Variants in ANKRD30BL observed in about 807,000 individuals in gnomAD.
The protein encoded by ANKRD30BL is putative ankyrin repeat domain-containing protein 30B-like.
A neutral mutation model predicts 18.4 loss-of-function variants in ANKRD30BL; 20 were observed. The observed-to-expected ratio is 1.09, with a 90% CI of 0.77 to 1.58. The LOEUF (loss-of-function observed/expected upper bound fraction) is 1.58, where lower values mean the gene tolerates loss of function less well. Ranked by LOEUF, ANKRD30BL falls within the 40% of genes most tolerant of loss-of-function variation. The pLI, the probability that ANKRD30BL is intolerant of heterozygous loss-of-function variation, is 0.00. For synonymous variants in ANKRD30BL, 72 were observed against 100.9 expected, an observed-to-expected ratio of 0.71 and a Z score of 1.72; for missense variants, 224 against 268.6, an observed-to-expected ratio of 0.83 and a Z score of 1.16.
intron 3 of ANKRD30BL, chr2:132,156,265 ATTAT>A (rs1251068780): frequency 2.0e-5 from 3 of 152,218 alleles, no homozygotes; most frequent in Non-Finnish European, 4.4e-5. Context: ...ATAGAAGATG[ATTAT>A]TTATGGTTTA....
upstream of ANKRD30BL, among the ~76,000 whole-genome samples, chr2:132,165,750 A>G (rs1478783823): frequency 2.7e-5 from 4 of 150,096 alleles, no homozygotes; most frequent in East Asian, 5.9e-4. Context: ...CACAATTGCT[A>G]TATTATATGT....
chr2:132,171,412 T>A (rs189578060), intron 1 of ANKRD30BL, among the ~76,000 whole-genome samples: 44 of 152,314 alleles, frequency 2.9e-4, no homozygotes, highest in African/African-American at 9.9e-4. Flanking sequence ...CTAGATGCTA[T>A]GCGATTATGT....
intron 3 of ANKRD30BL, chr2:132,155,740 A>T (rs1038695973): frequency 6.6e-6 from 1 of 152,086 alleles, no homozygotes; most frequent in Admixed American, 6.5e-5. Flanking sequence ...TCTGCTAAAA[A>T]TACAAAAAAT....
At chr2:132,246,400 T>C (rs139585497) in intron 1 of ANKRD30BL, among the ~76,000 whole-genome samples, 4 of 151,270 alleles carry the variant, frequency 2.6e-5, no homozygotes, top group African/African-American at 4.8e-5. Flanking sequence ...TTTTGAGGCA[T>C]GCTTTTTGTA....
At chr2:132,173,304 T>C (rs1688312880) in intron 1 of ANKRD30BL, among the ~76,000 whole-genome samples, 1 of 149,106 alleles carries the variant, frequency 6.7e-6, no homozygotes, top group East Asian at 2.0e-4. Flanking sequence ...TTTGCTTCTT[T>C]TTTTTTTTTT....
chr2:132,215,695 C>T (rs113147525), intron 1 of ANKRD30BL, among the ~76,000 whole-genome samples: 1 of 151,864 alleles, frequency 6.6e-6, no homozygotes, highest in African/African-American at 2.4e-5. Flanking sequence ...AAGGAAATAT[C>T]TTCACATAAA....
chr2:132,168,244 ATTT>A (rs1688221423), intron 1 of ANKRD30BL, among the ~76,000 whole-genome samples: 1 of 152,198 alleles, frequency 6.6e-6, no homozygotes, highest in Non-Finnish European at 1.5e-5. Context: ...CTTATTTGCC[ATTT>A]TTATATTTCT....
intron 4 of ANKRD30BL, among the ~76,000 whole-genome samples, chr2:132,151,239 TC>T (rs36080015): frequency 1.2e-4 from 19 of 152,304 alleles, no homozygotes; most frequent in Non-Finnish European, 2.6e-4. Flanking sequence ...GTGGAAAATG[TC>T]CTTAACTCGG....
chr2:132,210,866 T>C (rs796478544), intron 1 of ANKRD30BL, among the ~76,000 whole-genome samples: 1 of 151,336 alleles, frequency 6.6e-6, no homozygotes, highest in East Asian at 1.9e-4. Flanking sequence ...GGGCCTATGG[T>C]GGAAAGGGAA....
In ANKRD30BL at chr2:132,218,454, A is replaced by G. The variant is rs560704010; in HGVS notation, n.441+39075T>C. ...CTTTGAGGCCTATGGTGGAAAAGGTAATATCTTTATATAAAAACCAGACAG... is the reference window on the plus strand; with the variant it reads ...CTTTGAGGCCTATGGTGGAAAAGGTGATATCTTTATATAAAAACCAGACAG... On this transcript the variant is annotated intron_variant and non_coding_transcript_variant, in intron 1 of 4. Coordinates refer to the ANKRD30BL transcript ENST00000470729. 1.5e-4 allele frequency among the ~76,000 whole-genome samples: 23 copies of G among 150,172 alleles called. 1 individual carries two copies. The highest frequency in any genetic ancestry group is 5.6e-4 in the African/African-American group (23 of 40,880).
intron 1 of ANKRD30BL, among the ~76,000 whole-genome samples, chr2:132,229,875 C>A (rs1377474899): frequency 6.6e-6 from 1 of 151,736 alleles, no homozygotes; most frequent in Non-Finnish European, 1.5e-5. Flanking sequence ...ACTTCCTTTC[C>A]ATAGAGCAGT....
At chr2:132,244,667 T>G (rs930226698) in intron 1 of ANKRD30BL, among the ~76,000 whole-genome samples, 2 of 152,278 alleles carry the variant, frequency 1.3e-5, no homozygotes, top group African/African-American at 4.8e-5. Flanking sequence ...TGAACTTCTC[T>G]TTTGATAGAG....
At chr2:132,195,983 T>G (rs571595107) in intron 1 of ANKRD30BL, among the ~76,000 whole-genome samples, 3 of 149,798 alleles carry the variant, frequency 2.0e-5, no homozygotes, top group Admixed American at 6.6e-5. Flanking sequence ...CTACTAAAAA[T>G]ACAAAAAAAT....
At chr2:132,240,420 C>T (rs1680283638) in intron 1 of ANKRD30BL, among the ~76,000 whole-genome samples, 1 of 151,784 alleles carries the variant, frequency 6.6e-6, no homozygotes, top group African/African-American at 2.4e-5. Context: ...AGTTTTGAAA[C>T]ACTCTTTTTG....
intron 1 of ANKRD30BL, among the ~76,000 whole-genome samples, chr2:132,220,353 C>T (rs1305370046): frequency 9.1e-6 from 1 of 110,378 alleles, no homozygotes; most frequent in African/African-American, 3.7e-5. Flanking sequence ...TCTCCCTGTC[C>T]CTCTCCCTCT....
chr2:132,177,113 T>A (rs1688378556), intron 1 of ANKRD30BL, among the ~76,000 whole-genome samples: 1 of 152,076 alleles, frequency 6.6e-6, no homozygotes, highest in South Asian at 2.1e-4. Context: ...TTGGTGCATA[T>A]CTTTTTGCCT....
intron 1 of ANKRD30BL, among the ~76,000 whole-genome samples, chr2:132,222,282 C>T (rs1330619599): frequency 6.6e-6 from 1 of 151,824 alleles, no homozygotes; most frequent in Non-Finnish European, 1.5e-5. Context: ...CCGGCCGCCC[C>T]TACTGGGAAG....
intron 1 of ANKRD30BL, among the ~76,000 whole-genome samples, chr2:132,202,250 C>G (rs1430904819): frequency 2.6e-5 from 4 of 152,064 alleles, no homozygotes; most frequent in Non-Finnish European, 4.4e-5. Context: ...ATGTAACTAA[C>G]CTGCACATTG....
intron 1 of ANKRD30BL, among the ~76,000 whole-genome samples, chr2:132,176,626 G>A (rs1381690264): frequency 6.6e-6 from 1 of 151,212 alleles, no homozygotes; most frequent in Non-Finnish European, 1.5e-5. Context: ...AAAGAAAAAA[G>A]ACAAAAACAA....
Sources: allele counts gnomAD v4.1 joint callset (sites outside exome capture counted in the v4.1 genomes callset), GRCh38; gene constraint gnomAD v4.1.1; transcripts MANE v1.5; gene names NCBI Gene and HGNC (gene_info 2026-07-23, HGNC 2026-07-21).